Variants in KIF5C observed in about 807,000 individuals in gnomAD.
KIF5C encodes kinesin family member 5C.
Under a neutral mutation model 125.2 loss-of-function variants are expected in KIF5C, and 18 were observed. The observed-to-expected ratio is 0.14, with a 90% CI of 0.10 to 0.21. The LOEUF (loss-of-function observed/expected upper bound fraction) is 0.21, where lower values mean the gene tolerates loss of function less well. Ranked by LOEUF, KIF5C falls within the 10% of genes least tolerant of loss-of-function variation. KIF5C has a pLI of 1.00. For missense variants in KIF5C, 780 were observed against 1,183.8 expected (o/e 0.66, Z 5.01); for synonymous variants, 405 against 434.0 (o/e 0.93, Z 0.83).
chr2:148,908,005 A>T (rs1681184529), intron 1 of KIF5C, among the ~76,000 whole-genome samples: 1 of 152,234 alleles, frequency 6.6e-6, no homozygotes, highest in African/African-American at 2.4e-5. Context: ...AAATCTGTCC[A>T]GCCACTCGGT....
At chr2:148,918,174 T>A (rs1360723019) in intron 1 of KIF5C, among the ~76,000 whole-genome samples, 1 of 152,244 alleles carries the variant, frequency 6.6e-6, no homozygotes, top group African/African-American at 2.4e-5. Flanking sequence ...TTGTATGTGA[T>A]CCTGGTAAAT....
chr2:148,902,321 A>G (rs1034867317), intron 1 of KIF5C, among the ~76,000 whole-genome samples: 4 of 144,760 alleles, frequency 2.8e-5, no homozygotes, highest in Admixed American at 2.8e-4. Context: ...TGCCAGAAAC[A>G]TTTTTTTTTT....
At chr2:148,990,127 G>C (rs1303602773) in intron 15 of KIF5C, among the ~76,000 whole-genome samples, 1 of 152,200 alleles carries the variant, frequency 6.6e-6, no homozygotes, top group Admixed American at 6.5e-5. Flanking sequence ...ACAGTTACTT[G>C]CTCATTTGGT....
At chr2:148,996,759 CAG>C (rs1318591782) in intron 17 of KIF5C, among the ~76,000 whole-genome samples, 1 of 152,196 alleles carries the variant, frequency 6.6e-6, no homozygotes, top group Non-Finnish European at 1.5e-5. Flanking sequence ...ATCCTGGAAA[CAG>C]AGTATGTTTT....
intron 11 of KIF5C, among the ~76,000 whole-genome samples, chr2:148,970,613 G>T (rs985563611): frequency 6.6e-6 from 1 of 152,164 alleles, no homozygotes; most frequent in Non-Finnish European, 1.5e-5. Context: ...AGCAGCATTG[G>T]CTAGCTTGTT....
At chr2:148,931,003 C>A (rs1011264923) in intron 3 of KIF5C, among the ~76,000 whole-genome samples, 1 of 152,166 alleles carries the variant, frequency 6.6e-6, no homozygotes, top group African/African-American at 2.4e-5. Context: ...CTGTGTCCCA[C>A]CTAGTCCAGT....
Position 148,965,607 on chromosome 2 carries a change from G to C in KIF5C, c.1117+3488G>C, listed in dbSNP as rs375354787. 6.6e-5 allele frequency among the ~76,000 whole-genome samples: 10 copies of C among 152,284 alleles called. No individual in the cohort carries two copies. In the East Asian group the frequency reaches 1.9e-3, roughly 29 times the overall value. ...CAGAGCTACCTCAAACAGTAACTCT[G>C]TGTCTCATGCTATGTGCCAGTGGAC... On this transcript the variant is annotated intron_variant, in intron 11 of 25. Coordinates refer to ENST00000435030, the MANE Select transcript of KIF5C (RefSeq NM_004522.3).
chr2:148,908,607 A>G (rs1681206939), intron 1 of KIF5C, among the ~76,000 whole-genome samples: 1 of 152,084 alleles, frequency 6.6e-6, no homozygotes, highest in South Asian at 2.1e-4. Context: ...TTTCTCCAGT[A>G]TTACCTACAC....
Position 149,025,441 on chromosome 2 carries a change from A to G in KIF5C, c.*2371A>G, listed in dbSNP as rs1682661098. On this transcript the variant is annotated 3_prime_UTR_variant, in exon 26 of 26. Coordinates refer to ENST00000435030, the MANE Select transcript of KIF5C (RefSeq NM_004522.3). Reference sequence around the variant, plus strand: ...ATAATAAGCCAGTTATTATATCAGGACCATGTTCTCTGTAGGCCACTTTCT... The same window carrying G: ...ATAATAAGCCAGTTATTATATCAGGGCCATGTTCTCTGTAGGCCACTTTCT... 6.6e-6 allele frequency: 1 copy of G among 152,638 alleles called. No individual in the cohort carries two copies. Among genetic ancestry groups the G allele is most frequent in the African/African-American group, 2.4e-5 (1 of 41,460 alleles). The allele number at this position is 152,638 out of a possible 1,614,324, so 9.5% of individuals were successfully genotyped here.
intron 1 of KIF5C, among the ~76,000 whole-genome samples, chr2:148,899,719 A>G (rs1014402370): frequency 2.6e-5 from 4 of 151,700 alleles, no homozygotes; most frequent in African/African-American, 7.3e-5. Context: ...AAAAAAAAAA[A>G]AAAAAAGAAA....
chr2:148,973,776 A>G (rs1465251278), intron 12 of KIF5C, among the ~76,000 whole-genome samples: 1 of 152,078 alleles, frequency 6.6e-6, no homozygotes, highest in African/African-American at 2.4e-5. Flanking sequence ...TAGAAATTGG[A>G]CTGGGCTGAT....
Position 148,991,177 on chromosome 2 carries a change from C to T in KIF5C, c.1884C>T (p.Ala628=). ...KMNASERELA[A]CQLLISQHEA... ...ATGCCAGCGAGCGGGAGCTGGCAGC[C>T]TGCCAGCTGCTCATCTCCCAGGTGG... The change falls in exon 16 of 26, where the codon GCC becomes GCT. Residue 628 remains alanine (A), a synonymous_variant. Coordinates refer to ENST00000435030, the MANE Select transcript of KIF5C (RefSeq NM_004522.3). The T allele has an allele frequency of 2.5e-6, 4 of 1,613,752 alleles. No homozygotes were observed. The highest frequency in any genetic ancestry group is 2.5e-6 in the Non-Finnish European group (3 of 1,179,782).
intron 14 of KIF5C, 44 bp downstream of exon 14, chr2:148,981,605 G>A (rs1362598750): frequency 2.0e-6 from 3 of 1,529,406 alleles, no homozygotes; most frequent in South Asian, 2.5e-5. Context: ...CTTGGCTGCC[G>A]TTCCTGTACT....
intron 11 of KIF5C, among the ~76,000 whole-genome samples, chr2:148,963,427 A>G (rs181012732): frequency 7.2e-5 from 11 of 152,330 alleles, no homozygotes; most frequent in African/African-American, 4.8e-5. Context: ...TCAATGAGCT[A>G]TTGTTTAATA....
intron 8 of KIF5C, among the ~76,000 whole-genome samples, chr2:148,949,250 C>A (rs140919650): frequency 6.6e-6 from 1 of 152,128 alleles, no homozygotes; most frequent in Non-Finnish European, 1.5e-5. Flanking sequence ...GACAAATTTA[C>A]GATGCAGTAT....
At chr2:148,965,222 T>G (rs1683020939) in intron 11 of KIF5C, among the ~76,000 whole-genome samples, 1 of 152,062 alleles carries the variant, frequency 6.6e-6, no homozygotes, top group Admixed American at 6.6e-5. Flanking sequence ...TCTGAGGGTC[T>G]GGAGCTCAGA....
chr2:148,875,431 C>T lies in KIF5C; in HGVS notation c.-187C>T. 5.4e-6 allele frequency: 3 copies of T among 555,534 alleles called. No homozygotes were observed. The highest frequency in any genetic ancestry group is 9.4e-6 in the Non-Finnish European group (3 of 317,742). 34.4% of individuals were successfully genotyped at this position (555,534 alleles called of 1,614,324 possible). On this transcript the variant is annotated 5_prime_UTR_variant, in exon 1 of 26. Transcript: ENST00000435030. ...GGGGCCGGAGCGGAGAAGCTGCCCA[C>T]CTTCCCGGGCTCGGAGCGGCCGGGG...
At position 148,875,601 on chromosome 2, in the gene KIF5C, C is replaced by T. The variant is rs768043445; in HGVS notation, c.-17C>T. 1.7e-4 allele frequency: 255 copies of T among 1,534,642 alleles called. No individual in the cohort carries two copies. The highest frequency in any genetic ancestry group is 2.2e-4 in the Non-Finnish European group (249 of 1,136,374). On this transcript the variant is annotated 5_prime_UTR_variant, in exon 1 of 26. Coordinates refer to ENST00000435030, the MANE Select transcript of KIF5C (RefSeq NM_004522.3). ...CCCCCCACCCATCCCCGTGCCCCCTCCCTACCGCCGGCCGAGATGGCGGAT... is the reference window on the plus strand; with the variant it reads ...CCCCCCACCCATCCCCGTGCCCCCTTCCTACCGCCGGCCGAGATGGCGGAT...
Position 148,947,031 on chromosome 2 carries a change from G to T in KIF5C, c.714+8G>T, listed in dbSNP as rs756091766. On this transcript the variant is annotated splice_region_variant and intron_variant, in intron 8 of 25. Coordinates refer to ENST00000435030, the MANE Select transcript of KIF5C (RefSeq NM_004522.3). ...TTGGCTGGGAGCGAAAAGGTAATTT[G>T]TTCTTTATTTGTATTATCTATAATT... The T allele has an allele frequency of 2.5e-6, 4 of 1,606,228 alleles. No individual in the cohort carries two copies. In the South Asian group the frequency reaches 4.5e-5, roughly 18 times the overall value.
Sources: gnomAD v4.1 joint callset for allele counts (sites outside exome capture counted in the v4.1 genomes callset) on GRCh38, gnomAD v4.1.1 for gene constraint, MANE v1.5 for transcripts, NCBI Gene and HGNC (gene_info 2026-07-23, HGNC 2026-07-21) for gene names.